The following FAM221A variants were observed in gnomAD, a reference collection of about 807,000 sequenced individuals.
The protein encoded by FAM221A is family with sequence similarity 221 member A.
In FAM221A, 43 loss-of-function variants were observed where a neutral mutation model predicts 37.6. The ratio of observed to expected loss-of-function variants is 1.15; its 90% CI spans 0.90 to 1.48. The LOEUF (loss-of-function observed/expected upper bound fraction) is 1.48. Among genes scored for constraint, FAM221A ranks in the 40% most tolerant of loss-of-function variants. FAM221A has a pLI of 0.00. For synonymous variants in FAM221A, 135 were observed against 132.9 expected, an observed-to-expected ratio of 1.02 and a Z score of -0.11; for missense variants, 361 against 361.5, an observed-to-expected ratio of 1.00 and a Z score of 0.01.
At chr7:23,684,043 G>T (rs1233087541) in intron 1 of FAM221A, among the ~76,000 whole-genome samples, 2 of 151,948 alleles carry the variant, frequency 1.3e-5, no homozygotes, top group African/African-American at 4.8e-5. Flanking sequence ...ATGGGTCCAG[G>T]TGCTGGGGTG....
At chr7:23,696,612 A>G (rs944274079) in intron 4 of FAM221A, among the ~76,000 whole-genome samples, 9 of 152,226 alleles carry the variant, frequency 5.9e-5, no homozygotes, top group African/African-American at 1.7e-4. Flanking sequence ...CTCTGTTACA[A>G]TCTTATGTGG....
chr7:23,689,054 A>G (rs1459072765), intron 2 of FAM221A: 3 of 396,824 alleles, frequency 7.6e-6, no homozygotes, highest in African/African-American at 6.0e-5. Flanking sequence ...TTAAATAACT[A>G]AAAATAGAAA....
At position 23,684,599 on chromosome 7, in the gene FAM221A, G is replaced by A. The variant is rs1364311361; in HGVS notation, c.166G>A (p.Val56Met). The change falls in exon 2 of 7, where the codon GTG becomes ATG. Residue 56 changes from valine (V) to methionine (M), a missense_variant. By Grantham distance (21) the Val-to-Met change is conservative. Coordinates refer to ENST00000344962, the MANE Select transcript of FAM221A (RefSeq NM_199136.5). ...LPLRLQNRLF[V>M]SWRSPTGMDC... ...TCTGCGCTTACAAAACAGATTATTT[G>A]TGAGCTGGCGGTCACCAACAGGGAT... The A allele has an allele frequency of 4.3e-6, 7 of 1,614,182 alleles. No homozygotes were observed. The highest frequency in any genetic ancestry group is 1.1e-5 in the South Asian group (1 of 91,082).
chr7:23,684,706 T>A, intron 2 of FAM221A, 34 bp downstream of exon 2: 1 of 1,551,290 alleles, frequency 6.4e-7, no homozygotes. Flanking sequence ...TTTTGATAAT[T>A]AGAAAATAAA....
intron 6 of FAM221A, among the ~76,000 whole-genome samples, chr7:23,701,572 C>T (rs987636090): frequency 1.3e-5 from 2 of 152,076 alleles, no homozygotes; most frequent in African/African-American, 4.8e-5. Context: ...ATTATTTATT[C>T]TTCTTAGAGG....
intron 3 of FAM221A, among the ~76,000 whole-genome samples, chr7:23,690,530 G>A (rs1784683171): frequency 6.6e-6 from 1 of 152,012 alleles, no homozygotes; most frequent in East Asian, 1.9e-4. Flanking sequence ...TGTCAGAGGT[G>A]TGAATGGGTA....
At chr7:23,689,583 C>T in intron 3 of FAM221A, 124 bp downstream of exon 3, 1 of 654,884 alleles carries the variant, frequency 1.5e-6, no homozygotes, top group Non-Finnish European at 2.3e-6. Flanking sequence ...AGTTAATATT[C>T]AGTTATGGCG....
intron 4 of FAM221A, chr7:23,692,262 GT>G (rs70956906): frequency 0.36 from 260,468 of 729,264 alleles, 45,118 homozygotes; most frequent in East Asian, 0.47. Context: ...AGGTGTGTAA[GT>G]TTTTTTTTTC....
chr7:23,701,272 G>C (rs1435481059), intron 6 of FAM221A, among the ~76,000 whole-genome samples: 23 of 125,382 alleles, frequency 1.8e-4, no homozygotes, highest in Non-Finnish European at 1.1e-4. Context: ...CGGAGTCTTG[G>C]TCTGTCGCCC....
chr7:23,683,396 G>A (rs554383335), intron 1 of FAM221A, among the ~76,000 whole-genome samples: 10 of 152,266 alleles, frequency 6.6e-5, no homozygotes, highest in African/African-American at 1.4e-4. Flanking sequence ...TTTAGGTTCC[G>A]CATTAGTTTA....
chr7:23,684,446 C>A, intron 1 of FAM221A, 53 bp from the exon 2 acceptor site: 1 of 1,270,400 alleles, frequency 7.9e-7, no homozygotes, highest in Non-Finnish European at 1.1e-6. Context: ...GGTCATAGCT[C>A]ACCCAGAAAA....
In FAM221A at chr7:23,684,676, A is replaced by G. The variant is rs751046668; in HGVS notation, c.239+4A>G. ...CACTGTGTTTTTGTACACATAGGTAAGATACTTTATTGCAAAGTTTTTTGA... is the reference window on the plus strand; with the variant it reads ...CACTGTGTTTTTGTACACATAGGTAGGATACTTTATTGCAAAGTTTTTTGA... On this transcript the variant is annotated splice_donor_region_variant and intron_variant, in intron 2 of 6. Transcript: ENST00000344962. 41 of 1,582,280 alleles carry G rather than the reference A, an allele frequency of 2.6e-5. No homozygotes were observed. In the South Asian group the frequency reaches 4.6e-4, roughly 18 times the overall value.
At chr7:23,694,536 G>T (rs1392148953) in intron 4 of FAM221A, 1 of 152,186 alleles carries the variant, frequency 6.6e-6, no homozygotes, top group African/African-American at 2.4e-5. Flanking sequence ...TGATGATGAT[G>T]ATCATGTTTG....
chr7:23,688,616 A>T (rs1434563295), intron 2 of FAM221A: 2 of 151,638 alleles, frequency 1.3e-5, no homozygotes, highest in Non-Finnish European at 2.9e-5. Context: ...CAAAAATAAC[A>T]TTGGTAAAGA....
chr7:23,685,733 T>G (rs1297660064), intron 2 of FAM221A, among the ~76,000 whole-genome samples: 1 of 152,184 alleles, frequency 6.6e-6, no homozygotes, highest in African/African-American at 2.4e-5. Flanking sequence ...GGAAAGGAAA[T>G]AAGTGAGGCT....
At chr7:23,702,952 A>C (rs1785543908), downstream of FAM221A, 1 of 152,168 alleles carries the variant, frequency 6.6e-6, no homozygotes, top group Non-Finnish European at 1.5e-5. Context: ...CTAGAACCCC[A>C]CTGTATGATA....
In FAM221A at chr7:23,684,597, T is replaced by C. The variant is rs1784257264; in HGVS notation, c.164T>C (p.Phe55Ser). The C allele has an allele frequency of 6.2e-7, 1 of 1,614,196 alleles. No homozygotes were observed. Among genetic ancestry groups the C allele is most frequent in the Non-Finnish European group, 8.5e-7 (1 of 1,180,016 alleles). ...VLPLRLQNRLFVSWRSPTGMD... is the reference protein window; with the variant it reads ...VLPLRLQNRLSVSWRSPTGMD... ...CCTCTGCGCTTACAAAACAGATTAT[T>C]TGTGAGCTGGCGGTCACCAACAGGG... The change falls in exon 2 of 7, where the codon TTT becomes TCT. Residue 55 changes from phenylalanine (F) to serine (S), a missense_variant. Coordinates refer to ENST00000344962, the MANE Select transcript of FAM221A (RefSeq NM_199136.5).
intron 4 of FAM221A, among the ~76,000 whole-genome samples, chr7:23,695,654 T>C (rs974648761): frequency 1.3e-5 from 2 of 152,330 alleles, no homozygotes; most frequent in South Asian, 2.1e-4. Flanking sequence ...ATTACAGGTG[T>C]AAGCCACTAT....
At position 23,702,112 on chromosome 7, in the gene FAM221A, C is replaced by T. The variant is rs745760767; in HGVS notation, c.845C>T (p.Ala282Val). Reference protein sequence around the residue: ...RYQERMKMEKAAKWKGKAPLP... With the variant: ...RYQERMKMEKVAKWKGKAPLP... Reference sequence around the variant, plus strand: ...AATTTACAGATGAAAATGGAAAAGGCTGCTAAGTGGAAAGGAAAAGCTCCA... The same window carrying T: ...AATTTACAGATGAAAATGGAAAAGGTTGCTAAGTGGAAAGGAAAAGCTCCA... The change falls in exon 7 of 7, where the codon GCT (alanine) becomes GTT (valine). Residue 282 changes from alanine (A) to valine (V), a missense_variant. Physicochemically the swap from Ala to Val is moderately conservative, Grantham distance 64. Transcript: ENST00000344962. 8 of 1,599,324 alleles carry T rather than the reference C, an allele frequency of 5.0e-6. No homozygotes were observed.
Sources: gnomAD v4.1 joint callset for allele counts (sites outside exome capture counted in the v4.1 genomes callset) on GRCh38, gnomAD v4.1.1 for gene constraint, MANE v1.5 for transcripts, NCBI Gene and HGNC (gene_info 2026-07-23, HGNC 2026-07-21) for gene names.